PRAME: variants seen among roughly 807,000 people sequenced by gnomAD.
PRAME encodes PRAME nuclear receptor transcriptional regulator.
PRAME carries 21 observed loss-of-function variants against 32.1 expected under a neutral mutation model. The observed-to-expected ratio is 0.65, with a 90% CI of 0.46 to 0.94. The LOEUF is 0.94. Among genes scored for constraint, PRAME ranks in the 40% least tolerant of loss-of-function variants. PRAME has a pLI of 0.00. For missense variants in PRAME, 651 were observed against 622.3 expected, an observed-to-expected ratio of 1.05 and a Z score of -0.49; for synonymous variants, 274 against 251.5, an observed-to-expected ratio of 1.09 and a Z score of -0.85.
intron 3 of PRAME, chr22:22,554,318 T>C: frequency 2.2e-6 from 2 of 898,534 alleles, no homozygotes; most frequent in South Asian, 1.0e-4. Flanking sequence ...TTGTTTACTG[T>C]GGCCTGCGTA....
intron 3 of PRAME, among the ~76,000 whole-genome samples, chr22:22,552,135 GAAAA>G (rs1020704053): frequency 3.0e-5 from 4 of 135,488 alleles, no homozygotes; most frequent in Non-Finnish European, 6.4e-5. Flanking sequence ...AAAAAAAAAA[GAAAA>G]AAAAGAAAGA....
chr22:22,555,412 A>G (rs1355866509), intron 3 of PRAME, among the ~76,000 whole-genome samples: 1 of 151,796 alleles, frequency 6.6e-6, no homozygotes, highest in Non-Finnish European at 1.5e-5. Context: ...ATATTTTTGT[A>G]TTTTTAGTAG....
At chr22:22,551,163 C>G in intron 3 of PRAME, 74 bp from the exon 4 acceptor site, 1 of 1,386,524 alleles carries the variant, frequency 7.2e-7, no homozygotes. Context: ...CCTCACCCTT[C>G]TGAGGGACCA....
chr22:22,552,576 T>C (rs1020714239), intron 3 of PRAME, among the ~76,000 whole-genome samples: 1 of 152,004 alleles, frequency 6.6e-6, no homozygotes, highest in Non-Finnish European at 1.5e-5. Flanking sequence ...ATTTCACATG[T>C]ACCCTATAAA....
At chr22:22,553,752 A>G in intron 3 of PRAME, 1 of 974,862 alleles carries the variant, frequency 1.0e-6, no homozygotes, top group Non-Finnish European at 1.2e-6. Context: ...GTGGTTTCTT[A>G]GGAATCTTGG....
In PRAME at chr22:22,551,083, T is replaced by C. The variant is rs1239045173; in HGVS notation, c.28A>G (p.Ile10Val). 4 of 1,568,808 alleles carry C rather than the reference T, an allele frequency of 2.5e-6. No homozygotes were observed. The highest frequency in any genetic ancestry group is 2.6e-6 in the Non-Finnish European group (3 of 1,153,198). Residue 10 changes from isoleucine (I) to valine (V), a missense_variant, in exon 4 of 6, where the codon ATT (isoleucine) becomes GTT (valine). Coordinates refer to ENST00000405655, the MANE Select transcript of PRAME (RefSeq NM_206956.3). The part of the protein sequence containing the change: MERRRLWGS[I>V]QSRYISMSVW... ...CTCATGCTGATGTATCGGCTCTGAA[T>C]GGAACCCTGAGGAAACATACAGGGA...
In PRAME at chr22:22,549,863, T is replaced by C. The variant is rs773172156; in HGVS notation, c.816A>G (p.Ala272=). The C allele has an allele frequency of 1.2e-6, 2 of 1,613,786 alleles. No homozygotes were observed. Among genetic ancestry groups the C allele is most frequent in the Non-Finnish European group, 1.7e-6 (2 of 1,179,956 alleles). The change falls in exon 5 of 6, where the codon GCA becomes GCG. Residue 272 remains alanine (A), a synonymous_variant. Coordinates refer to ENST00000405655, the MANE Select transcript of PRAME (RefSeq NM_206956.3). ...CCTTCTCCGGGGAAATGTAGGAAGA[T>C]GCATGGATGTGGGAGAGGAGGAGTC... ...LRRLLLSHIH[A]SSYISPEKEE...
chr22:22,550,013 A>G lies in PRAME; in HGVS notation c.666T>C (p.Asp222=), dbSNP rs2062473512. The G allele has an allele frequency of 6.2e-7, 1 of 1,613,772 alleles. No homozygotes were observed. The highest frequency in any genetic ancestry group is 1.7e-5 in the Admixed American group (1 of 59,958). The change falls in exon 5 of 6, where the codon GAT becomes GAC. Residue 222 remains aspartate (D), a synonymous_variant. Coordinates refer to ENST00000405655, the MANE Select transcript of PRAME (RefSeq NM_206956.3). ...GCACCATTTTCAGGATCATCTTGAT[A>G]TCCTGCATGGGCATTGCAAAAATCT... ...KLKIFAMPMQ[D]IKMILKMVQL...
At position 22,558,953 on chromosome 22, in the gene PRAME, G is replaced by T. The variant is rs993083570; in HGVS notation, c.-114+18C>A. The T allele has an allele frequency of 6.5e-6, 1 of 153,462 alleles. No homozygotes were observed. The highest frequency in any genetic ancestry group is 1.4e-5 in the Non-Finnish European group (1 of 69,522). 9.5% of individuals were successfully genotyped at this position (153,462 alleles called of 1,614,324 possible). A position where few individuals can be genotyped will look rare whatever the true frequency, so the allele number is the denominator to read the frequency against. ...CCCCGGGCTGAAGAGACCACCCCCC[G>T]GGATTCAATTAACTTACTCTCTGGA... is the stretch of plus-strand genomic sequence containing the variant. On this transcript the variant is annotated intron_variant, in intron 1 of 5. Transcript: ENST00000405655.
Position 22,559,249 on chromosome 22 carries a change from G to C in PRAME, c.-392C>G. On this transcript the variant is annotated 5_prime_UTR_variant, in exon 1 of 6. Coordinates refer to ENST00000405655, the MANE Select transcript of PRAME (RefSeq NM_206956.3). ...CTGAGGCGCTGCAGGCCCGGCTTCT[G>C]GCTGCGGGGGAGCTGTACCCTGAAG... The C allele has an allele frequency of 3.2e-6, 1 of 314,606 alleles. No individual in the cohort carries two copies. Among genetic ancestry groups the C allele is most frequent in the South Asian group, 2.7e-5 (1 of 36,504 alleles). The allele number at this position is 314,606 out of a possible 1,614,324, so 19.5% of individuals were successfully genotyped here. A position where few individuals can be genotyped will look rare whatever the true frequency, so the allele number is the denominator to read the frequency against.
At chr22:22,557,327 G>A (rs1235696428) in intron 2 of PRAME, 3 of 167,600 alleles carry the variant, frequency 1.8e-5, no homozygotes, top group East Asian at 1.6e-4. Context: ...CACGAGCACC[G>A]CCGCCTCGGT....
At chr22:22,553,109 G>A (rs529618852) in intron 3 of PRAME, among the ~76,000 whole-genome samples, 3 of 152,048 alleles carry the variant, frequency 2.0e-5, no homozygotes, top group Admixed American at 2.0e-4. Context: ...GAGTATAACT[G>A]TTAGGGGAAT....
In PRAME at chr22:22,559,110, C is replaced by T; in HGVS notation, c.-253G>A. The T allele has an allele frequency of 5.0e-6, 1 of 200,058 alleles. No individual in the cohort carries two copies. The highest frequency in any genetic ancestry group is 1.0e-5 in the Non-Finnish European group (1 of 99,712). 12.4% of individuals were successfully genotyped at this position (200,058 alleles called of 1,614,324 possible). A position where few individuals can be genotyped will look rare whatever the true frequency, so the allele number is the denominator to read the frequency against. On this transcript the variant is annotated 5_prime_UTR_variant, in exon 1 of 6. Coordinates refer to ENST00000405655, the MANE Select transcript of PRAME (RefSeq NM_206956.3). ...ATTCACGCCCCTCCCCTCCCCCGAGCCTGCAGAGGACTCCGCCCTGCTTTC... is the reference window on the plus strand; with the variant it reads ...ATTCACGCCCCTCCCCTCCCCCGAGTCTGCAGAGGACTCCGCCCTGCTTTC...
intron 3 of PRAME, among the ~76,000 whole-genome samples, chr22:22,556,443 T>A (rs1569229175): frequency 6.6e-6 from 1 of 151,886 alleles, no homozygotes; most frequent in African/African-American, 2.4e-5. Context: ...CTTGAGTAGC[T>A]GGGACTACAG....
chr22:22,556,685 A>G, intron 3 of PRAME, 127 bp downstream of exon 3: 1 of 1,125,544 alleles, frequency 8.9e-7, no homozygotes, highest in Non-Finnish European at 1.3e-6. Context: ...AAACAATAAA[A>G]GCGGCTCCTG....
intron 3 of PRAME, chr22:22,553,031 A>G: frequency 4.6e-6 from 2 of 433,488 alleles, no homozygotes; most frequent in Non-Finnish European, 9.6e-6. Context: ...TACTTACTTC[A>G]GGTTCAACTG....
At position 22,556,839 on chromosome 22, in the gene PRAME, G is replaced by C; in HGVS notation, c.-7C>G. On this transcript the variant is annotated 5_prime_UTR_variant, in exon 3 of 6. Transcript: ENST00000405655. ...ACAAACGCCTTCGTTCCATTTTGAA[G>C]CGACTTAGGCTGGCCTCAGGACCTC... The C allele has an allele frequency of 6.2e-7, 1 of 1,612,890 alleles. No individual in the cohort carries two copies. Among genetic ancestry groups the C allele is most frequent in the Non-Finnish European group, 8.5e-7 (1 of 1,179,892 alleles).
chr22:22,549,126 C>T (rs1193570790), intron 5 of PRAME, among the ~76,000 whole-genome samples: 1 of 151,888 alleles, frequency 6.6e-6, no homozygotes, highest in African/African-American at 2.4e-5. Flanking sequence ...CAGCAACATC[C>T]AAAGGGGGTT....
intron 3 of PRAME, chr22:22,555,808 T>C (rs1247675776): frequency 2.2e-6 from 1 of 458,400 alleles, no homozygotes; most frequent in Non-Finnish European, 4.6e-6. Context: ...TGCAATCTTG[T>C]TGCTCACTTC....
Sources: allele counts gnomAD v4.1 joint callset (sites outside exome capture counted in the v4.1 genomes callset), GRCh38; gene constraint gnomAD v4.1.1; transcripts MANE v1.5; gene names NCBI Gene and HGNC (gene_info 2026-07-23, HGNC 2026-07-21).